WNT2B: variants seen among roughly 807,000 people sequenced by gnomAD.
WNT2B encodes the protein Wnt family member 2B.
In WNT2B, 19 loss-of-function variants were observed where a neutral mutation model predicts 40.5. The ratio of observed to expected loss-of-function variants is 0.47; its 90% CI spans 0.33 to 0.69. The LOEUF (loss-of-function observed/expected upper bound fraction) is 0.69. Ranked by LOEUF, WNT2B falls within the 30% of genes least tolerant of loss-of-function variation. The pLI is 0.02. For missense variants in WNT2B, 467 were observed against 556.4 expected (o/e 0.84, Z 1.62); for synonymous variants, 220 against 211.9 (o/e 1.04, Z -0.33).
intron 1 of WNT2B, among the ~76,000 whole-genome samples, chr1:112,497,222 C>T (rs1651804872): frequency 1.3e-5 from 2 of 152,168 alleles, no homozygotes; most frequent in South Asian, 2.1e-4. Context: ...GTCCTGCCCC[C>T]ACAACTCCAC....
rs1271099286 is a variant in WNT2B at position 112,509,406 on chromosome 1, G to C, written c.144G>C (p.Leu48=). 1.9e-6 allele frequency: 3 copies of C among 1,594,904 alleles called. No individual in the cohort carries two copies. The highest frequency in any genetic ancestry group is 2.5e-6 in the Non-Finnish European group (3 of 1,176,744). ...GTCTTGCCTGCCTTCTGCTCCTGCT[G>C]CTGCTGACGCTGCCGGCCCGCGTAG... ...RLGLACLLLL[L]LLTLPARVDT... Residue 48 remains leucine (L), a synonymous_variant, in exon 1 of 5, where the codon CTG becomes CTC. Transcript: ENST00000369684. The surrounding 1 kb of genome is among the most constrained non-coding windows in gnomAD (Gnocchi z 4.2).
intron 1 of WNT2B, among the ~76,000 whole-genome samples, chr1:112,499,066 C>T (rs926711261): frequency 3.3e-5 from 5 of 152,014 alleles, no homozygotes; most frequent in East Asian, 1.9e-4. Context: ...ATTAGCCGGT[C>T]GTGGTGGCGT....
intron 1 of WNT2B, among the ~76,000 whole-genome samples, chr1:112,484,290 T>TATACACATATATATATATATATATAC (rs1294363726): frequency 1.3e-4 from 17 of 126,044 alleles, no homozygotes; most frequent in Non-Finnish European, 1.9e-4. Flanking sequence ...TATATATATA[T>TATACACATATATATATATATATATAC]ACACACACAT....
intron 1 of WNT2B, among the ~76,000 whole-genome samples, chr1:112,510,449 C>T (rs1437638007): frequency 1.3e-5 from 2 of 152,172 alleles, no homozygotes; most frequent in South Asian, 2.1e-4. Flanking sequence ...CTCCACCAGG[C>T]AGTGCCTCCC....
chr1:112,510,533 C>G (rs1311364662), intron 1 of WNT2B, among the ~76,000 whole-genome samples: 1 of 152,114 alleles, frequency 6.6e-6, no homozygotes, highest in African/African-American at 2.4e-5. Flanking sequence ...CTCCTTGCAC[C>G]CTGTGGCTTT....
At chr1:112,481,746 C>CAT (rs1198039498) in intron 1 of WNT2B, among the ~76,000 whole-genome samples, 1 of 152,172 alleles carries the variant, frequency 6.6e-6, no homozygotes, top group Non-Finnish European at 1.5e-5. Context: ...CGTGGTGGCT[C>CAT]ATGCCCATAA....
chr1:112,470,402 A>G (rs2101047094), intron 1 of WNT2B, among the ~76,000 whole-genome samples: 2 of 152,196 alleles, frequency 1.3e-5, no homozygotes, highest in South Asian at 4.2e-4. Context: ...CAGCCTGGCC[A>G]ATATGGTGAA....
At chr1:112,508,825 G>A (rs1652223763), upstream of WNT2B, 2 of 992,906 alleles carry the variant, frequency 2.0e-6, no homozygotes, top group South Asian at 9.4e-5. The surrounding 1 kb of genome is among the most constrained non-coding windows in gnomAD (Gnocchi z 4.2). Flanking sequence ...CCCGAGGGGC[G>A]GAGGCGGCTG....
chr1:112,514,806 C>T, intron 1 of WNT2B, 68 bp from the exon 2 acceptor site: 1 of 1,506,956 alleles, frequency 6.6e-7, no homozygotes, highest in Non-Finnish European at 9.2e-7. Flanking sequence ...AAACGTACCC[C>T]TTCCTTATTC....
At position 112,509,156 on chromosome 1, in the gene WNT2B, G is replaced by A. The variant is rs920529872; in HGVS notation, c.-107G>A. ...TGATCCTAGGTCCCCAGCCGCCGGC[G>A]AACACCATGGCCCCCCAGGGGGGTG... On this transcript the variant is annotated 5_prime_UTR_variant, in exon 1 of 5. Transcript: ENST00000369684. This position sits in a 1 kb window ranked among gnomAD's most constrained non-coding sequence, Gnocchi z 4.2. The A allele has an allele frequency of 2.9e-6, 4 of 1,376,190 alleles. No homozygotes were observed. Among genetic ancestry groups the A allele is most frequent in the Non-Finnish European group, 3.7e-6 (4 of 1,073,742 alleles). The allele number at this position is 1,376,190 out of a possible 1,614,324, so 85.2% of individuals were successfully genotyped here. A position where few individuals can be genotyped will look rare whatever the true frequency, so the allele number is the denominator to read the frequency against.
exon 1 of WNT2B, chr1:112,467,573 T>G (rs189656664): frequency 1.8e-4 from 142 of 780,972 alleles, no homozygotes; most frequent in Non-Finnish European, 2.6e-4. Flanking sequence ...CCATAAGCAT[T>G]TTTGGAATTC....
Position 112,490,911 on chromosome 1 carries a change from T to C in WNT2B, c.-95+23320T>C, listed in dbSNP as rs891511916. Reference sequence around the variant, plus strand: ...GGAAAGATCCCCCCTGGATTCCCAATAGCTCTACCCTAAATAAATCTACAA... The same window carrying C: ...GGAAAGATCCCCCCTGGATTCCCAACAGCTCTACCCTAAATAAATCTACAA... On this transcript the variant is annotated intron_variant, in intron 1 of 4. Coordinates refer to the WNT2B transcript ENST00000256640. 9.5e-5 allele frequency: 117 copies of C among 1,228,680 alleles called. No individual in the cohort carries two copies. The African/African-American group carries it at 1.4e-3, about 15-fold the overall frequency. 76.1% of individuals were successfully genotyped at this position (1,228,680 alleles called of 1,614,324 possible). A position where few individuals can be genotyped will look rare whatever the true frequency, so the allele number is the denominator to read the frequency against.
chr1:112,502,820 GA>G (rs1251707477), intron 1 of WNT2B, among the ~76,000 whole-genome samples: 3 of 152,210 alleles, frequency 2.0e-5, no homozygotes, highest in Non-Finnish European at 2.9e-5. Flanking sequence ...AATTGGGGGA[GA>G]GGGGATTGCG....
At chr1:112,508,798 C>T (rs373617635), upstream of WNT2B, 4 of 988,316 alleles carry the variant, frequency 4.0e-6, no homozygotes, top group East Asian at 4.5e-4. This position sits in a 1 kb window ranked among gnomAD's most constrained non-coding sequence, Gnocchi z 4.2. Context: ...GGGTGCAGCG[C>T]GGTGGCGCGC....
chr1:112,490,079 A>G (rs1233956965), intron 1 of WNT2B, among the ~76,000 whole-genome samples: 2 of 152,248 alleles, frequency 1.3e-5, no homozygotes, highest in Admixed American at 1.3e-4. Context: ...GTGGATGCCT[A>G]TTACCAGGGG....
Position 112,474,984 on chromosome 1 carries a change from T to C in WNT2B, c.-95+7393T>C, listed in dbSNP as rs145705058. Among the ~76,000 whole-genome samples the C allele has an allele frequency of 5.1e-4, 77 of 152,316 alleles. 1 individual carries two copies. In the East Asian group the frequency reaches 0.014, roughly 29 times the overall value. ...TTTCCACCATAATTGTTAAGTTTCC[T>C]GAGGCCTCCCCAGAAAGGGAGCAGA... On this transcript the variant is annotated intron_variant, in intron 1 of 4. Coordinates refer to the WNT2B transcript ENST00000256640.
intron 1 of WNT2B, among the ~76,000 whole-genome samples, chr1:112,503,836 CAG>C (rs1332105580): frequency 1.3e-5 from 2 of 151,836 alleles, no homozygotes; most frequent in African/African-American, 4.8e-5. Context: ...CAGAGAATGA[CAG>C]AAACAAGAGC....
intron 1 of WNT2B, among the ~76,000 whole-genome samples, chr1:112,511,226 T>C (rs1403864026): frequency 1.4e-5 from 2 of 140,780 alleles, no homozygotes; most frequent in African/African-American, 2.5e-5. Flanking sequence ...GAAAAATTCC[T>C]GGGTGAAAGA....
In WNT2B at chr1:112,525,112, G is replaced by A. The variant is rs1274416880; in HGVS notation, c.*4603G>A. 1 of 152,250 alleles carries A rather than the reference G, an allele frequency of 6.6e-6. No individual in the cohort carries two copies. The highest frequency in any genetic ancestry group is 1.5e-5 in the Non-Finnish European group (1 of 68,092). 9.4% of individuals were successfully genotyped at this position (152,250 alleles called of 1,614,324 possible). A position where few individuals can be genotyped will look rare whatever the true frequency, so the allele number is the denominator to read the frequency against. On this transcript the variant is annotated 3_prime_UTR_variant, in exon 5 of 5. Coordinates refer to ENST00000369684, the MANE Select transcript of WNT2B (RefSeq NM_024494.3). ...AAGGCTGGTTCATGCCAGAGATAGT[G>A]AGATGTGCACCCTATGTGCTGAGAA...
Sources: gnomAD v4.1 joint callset for allele counts (sites outside exome capture counted in the v4.1 genomes callset) on GRCh38, gnomAD v4.1.1 for gene constraint, Gnocchi (gnomAD v3.1) non-coding constraint, MANE v1.5 for transcripts, NCBI Gene and HGNC (gene_info 2026-07-23, HGNC 2026-07-21) for gene names.